Variants in LMNTD1 observed in about 807,000 individuals in gnomAD.
LMNTD1 encodes the protein lamin tail domain containing 1.
LMNTD1 carries 35 observed loss-of-function variants against 50.9 expected under a neutral mutation model. The observed-to-expected ratio is 0.69, with a 90% CI of 0.53 to 0.91. The LOEUF (loss-of-function observed/expected upper bound fraction) is 0.91. Ranked by LOEUF, LMNTD1 falls within the 40% of genes least tolerant of loss-of-function variation. LMNTD1 has a pLI of 0.00. For synonymous variants in LMNTD1, 153 were observed against 161.9 expected (o/e 0.94, Z 0.42); for missense variants, 470 against 475.5 (o/e 0.99, Z 0.11).
chr12:25,523,583 A>G (rs767585704), intron 6 of LMNTD1, among the ~76,000 whole-genome samples: 2 of 152,226 alleles, frequency 1.3e-5, no homozygotes, highest in Non-Finnish European at 2.9e-5. Flanking sequence ...AGAAGGCAGT[A>G]AATTGTCTTT....
At chr12:25,642,513 T>G (rs1207281890) in intron 1 of LMNTD1, among the ~76,000 whole-genome samples, 1 of 152,156 alleles carries the variant, frequency 6.6e-6, no homozygotes, top group Non-Finnish European at 1.5e-5. Context: ...GAAAGAAATG[T>G]TTGTCGTTTA....
intron 8 of LMNTD1, among the ~76,000 whole-genome samples, chr12:25,508,308 G>A (rs1939975501): frequency 1.3e-5 from 2 of 152,044 alleles, no homozygotes; most frequent in Non-Finnish European, 2.9e-5. Context: ...CAAAGATAAC[G>A]ATTATTCTGA....
At chr12:25,559,192 C>G (rs934617325) in intron 1 of LMNTD1, among the ~76,000 whole-genome samples, 1 of 152,026 alleles carries the variant, frequency 6.6e-6, no homozygotes, top group African/African-American at 2.4e-5. Context: ...CTATACCTCC[C>G]CCCTGCCCCC....
intron 1 of LMNTD1, among the ~76,000 whole-genome samples, chr12:25,611,223 T>C (rs11048126): frequency 0.32 from 48,510 of 152,062 alleles, 8,783 homozygotes; most frequent in East Asian, 0.8. Flanking sequence ...AATGGCGTAC[T>C]GGAGACAGAA....
chr12:25,579,223 T>C (rs1475032505), intron 1 of LMNTD1, among the ~76,000 whole-genome samples: 1 of 152,204 alleles, frequency 6.6e-6, no homozygotes, highest in African/African-American at 2.4e-5. Context: ...AGATCAAAAA[T>C]ATATATTTTT....
At chr12:25,634,254 C>A (rs1096018) in intron 1 of LMNTD1, among the ~76,000 whole-genome samples, 150,594 of 152,332 alleles carry the variant, frequency 0.99, 74,469 homozygotes, top group Middle Eastern at 1. Flanking sequence ...CCAGACAGAC[C>A]TTCAAAGAAG....
chr12:25,628,793 A>G (rs1946650895), intron 1 of LMNTD1, among the ~76,000 whole-genome samples: 1 of 152,182 alleles, frequency 6.6e-6, no homozygotes, highest in South Asian at 2.1e-4. Flanking sequence ...ACCAGAAGGA[A>G]CCAGCCCTGC....
At chr12:25,592,796 G>C (rs1383945920) in intron 1 of LMNTD1, 4 of 152,392 alleles carry the variant, frequency 2.6e-5, no homozygotes, top group Non-Finnish European at 4.4e-5. Flanking sequence ...TGGTTTTGCA[G>C]CTGGTAAGTG....
At chr12:25,626,224 C>T (rs1402397656) in intron 1 of LMNTD1, among the ~76,000 whole-genome samples, 1 of 152,018 alleles carries the variant, frequency 6.6e-6, no homozygotes, top group Non-Finnish European at 1.5e-5. Flanking sequence ...GAAGGAGGTT[C>T]CTGAGATGCT....
intron 8 of LMNTD1, among the ~76,000 whole-genome samples, chr12:25,504,469 C>A (rs1465302865): frequency 3.3e-5 from 5 of 152,138 alleles, no homozygotes; most frequent in Non-Finnish European, 7.4e-5. Context: ...ATACCAAGTA[C>A]AAATTACTTC....
intron 4 of LMNTD1, among the ~76,000 whole-genome samples, chr12:25,537,595 A>T (rs963627432): frequency 3.9e-5 from 6 of 151,940 alleles, no homozygotes; most frequent in African/African-American, 1.4e-4. Flanking sequence ...TCAAAGACCA[A>T]AAGTAGATAA....
chr12:25,554,492 C>T (rs569210585), upstream of LMNTD1, among the ~76,000 whole-genome samples: 1 of 152,260 alleles, frequency 6.6e-6, no homozygotes, highest in East Asian at 1.9e-4. Flanking sequence ...TCTTAAATTA[C>T]TGTATATATG....
intron 1 of LMNTD1, among the ~76,000 whole-genome samples, chr12:25,639,197 A>G (rs1251401689): frequency 6.6e-6 from 1 of 152,216 alleles, no homozygotes; most frequent in Non-Finnish European, 1.5e-5. Flanking sequence ...TGTAAGAGTT[A>G]GAACTATGAA....
intron 1 of LMNTD1, among the ~76,000 whole-genome samples, chr12:25,644,415 G>T (rs747856342): frequency 2.0e-5 from 3 of 151,912 alleles, no homozygotes; most frequent in Non-Finnish European, 4.4e-5. Flanking sequence ...AGCCTAGGAG[G>T]TTGAGGCTGC....
chr12:25,605,237 G>A (rs1246798257), intron 1 of LMNTD1, among the ~76,000 whole-genome samples: 4 of 152,176 alleles, frequency 2.6e-5, no homozygotes, highest in African/African-American at 9.6e-5. Context: ...GTAGATTCTG[G>A]ATATTAGCCC....
At chr12:25,532,336 G>A (rs1484727080) in intron 4 of LMNTD1, among the ~76,000 whole-genome samples, 4 of 152,102 alleles carry the variant, frequency 2.6e-5, no homozygotes, top group Non-Finnish European at 4.4e-5. Flanking sequence ...GTACTGGTCT[G>A]TTTTGCATAT....
chr12:25,482,890 G>A (rs141478505), intron 9 of LMNTD1, among the ~76,000 whole-genome samples: 1,614 of 151,976 alleles, frequency 0.011, 60 homozygotes, highest in African/African-American at 0.037. Flanking sequence ...GAATGCTGTC[G>A]GGCCGCAGTG....
intron 8 of LMNTD1, among the ~76,000 whole-genome samples, chr12:25,504,220 G>A (rs537279493): frequency 2.4e-4 from 36 of 152,198 alleles, no homozygotes; most frequent in Admixed American, 7.2e-4. Context: ...CTGCCATAAC[G>A]ACAAAGTAGC....
intron 9 of LMNTD1, among the ~76,000 whole-genome samples, chr12:25,487,812 T>A (rs1389105434): frequency 2.5e-5 from 2 of 79,210 alleles, no homozygotes; most frequent in African/African-American, 9.5e-5. Context: ...CTTCAGGAGC[T>A]TTTAGGGCAG....
Sources: gnomAD v4.1 joint callset for allele counts (sites outside exome capture counted in the v4.1 genomes callset) on GRCh38, gnomAD v4.1.1 for gene constraint, MANE v1.5 for transcripts, NCBI Gene and HGNC (gene_info 2026-07-23, HGNC 2026-07-21) for gene names.